The following CD164 variants were observed in gnomAD, a reference collection of about 807,000 sequenced individuals.
CD164 encodes CD164 molecule, also known as sialomucin core protein 24.
A neutral mutation model predicts 24.6 loss-of-function variants in CD164; 11 were observed. The observed-to-expected ratio is 0.45, with a 90% CI of 0.28 to 0.74. The LOEUF (loss-of-function observed/expected upper bound fraction) is 0.74. Among genes scored for constraint, CD164 ranks in the 30% least tolerant of loss-of-function variants. CD164 has a pLI of 0.13. For synonymous variants in CD164, 126 were observed against 100.3 expected (o/e 1.26, Z -1.53); for missense variants, 295 against 243.7 (o/e 1.21, Z -1.40).
At position 109,382,038 on chromosome 6, in the gene CD164, G is replaced by C. The variant is rs11963133; in HGVS notation, c.175+166C>G. ...CGCGCTCCCCACCCGGCCCGGCCAC[G>C]AGTGGACTCCAGGCTGGCCGCCATG... On this transcript the variant is annotated intron_variant, in intron 1 of 5. Coordinates refer to ENST00000310786, the MANE Select transcript of CD164 (RefSeq NM_006016.6). The C allele has an allele frequency of 0.021, 10,864 of 513,308 alleles. 607 individuals are homozygous for C. The highest frequency in any genetic ancestry group is 0.14 in the African/African-American group (7,198 of 49,666). The allele number at this position is 513,308 out of a possible 1,614,324, so 31.8% of individuals were successfully genotyped here. A position where few individuals can be genotyped will look rare whatever the true frequency, so the allele number is the denominator to read the frequency against.
At chr6:109,375,879 C>T in intron 4 of CD164, 195 bp downstream of exon 4, 1 of 532,814 alleles carries the variant, frequency 1.9e-6, no homozygotes, top group Non-Finnish European at 3.2e-6. Flanking sequence ...CATTCACCGA[C>T]TATAAAACAC....
rs1771800084 is a variant in CD164 at position 109,382,197 on chromosome 6, C to A, written c.175+7G>T. 3 of 1,540,502 alleles carry A rather than the reference C, an allele frequency of 1.9e-6. No homozygotes were observed. The highest frequency in any genetic ancestry group is 2.6e-6 in the Non-Finnish European group (3 of 1,150,020). ...GAGGGCGGGAAGCCCACAGGGCCCG[C>A]GCCCACCTGGTGCCGGAGTGGTGAC... is the stretch of plus-strand genomic sequence containing the variant. On this transcript the variant is annotated splice_region_variant and intron_variant, in intron 1 of 5. Coordinates refer to ENST00000310786, the MANE Select transcript of CD164 (RefSeq NM_006016.6).
At chr6:109,375,486 A>C (rs1771340582) in intron 4 of CD164, among the ~76,000 whole-genome samples, 1 of 151,968 alleles carries the variant, frequency 6.6e-6, no homozygotes. Flanking sequence ...GCATGATGGC[A>C]GGTGCCTGTA....
At position 109,382,357 on chromosome 6, in the gene CD164, G is replaced by C. The variant is rs912914897; in HGVS notation, c.22C>G (p.Leu8Val). The C allele has an allele frequency of 3.9e-6, 6 of 1,554,680 alleles. No individual in the cohort carries two copies. Among genetic ancestry groups the C allele is most frequent in the African/African-American group, 1.4e-5 (1 of 73,490 alleles). Residue 8 changes from leucine to valine, a missense_variant, in exon 1 of 6, where the codon CTG becomes GTG. Transcript: ENST00000310786. The part of the protein sequence containing the change: MSRLSRS[L>V]LWAATCLGVL... ...CCCAGGCAGGTGGCGGCCCAAAGCA[G>C]TGAGCGGGAGAGCCGCGACATCGTG...
chr6:109,381,720 T>C (rs1329040397), intron 1 of CD164: 3 of 605,236 alleles, frequency 5.0e-6, no homozygotes, highest in Admixed American at 2.7e-5. Flanking sequence ...CGTCTTTAAG[T>C]TTCTCTTTCC....
chr6:109,381,534 A>G (rs891360241), intron 1 of CD164: 3 of 702,614 alleles, frequency 4.3e-6, no homozygotes, highest in Non-Finnish European at 7.8e-6. Context: ...TACGTACGCA[A>G]AACACCCGGT....
In CD164 at chr6:109,379,664, TG is replaced by T; in HGVS notation, c.176-3del. On this transcript the variant is annotated splice_region_variant and splice_polypyrimidine_tract_variant and intron_variant, in intron 1 of 5. Coordinates refer to ENST00000310786, the MANE Select transcript of CD164 (RefSeq NM_006016.6). The stretch of plus-strand genomic sequence containing the variant: ...AGCTGTTTCGACCTTCACAGGTTTC[TG>T]GGGAGTTGGGGGGAGAGATGCATGA... 1.9e-6 allele frequency: 3 copies of T among 1,610,684 alleles called. No individual in the cohort carries two copies. The highest frequency in any genetic ancestry group is 1.7e-6 in the Non-Finnish European group (2 of 1,178,298).
intron 3 of CD164, among the ~76,000 whole-genome samples, chr6:109,377,609 T>C (rs965105003): frequency 2.7e-5 from 4 of 146,364 alleles, no homozygotes; most frequent in Non-Finnish European, 6.0e-5. Flanking sequence ...GATGCAAACA[T>C]AGCGGCTAAA....
rs1292813498 is a variant in CD164 at position 109,373,959 on chromosome 6, A to G, written c.370+2115T>C. Among the ~76,000 whole-genome samples the G allele has an allele frequency of 2.0e-5, 3 of 152,266 alleles. No individual in the cohort carries two copies. In the East Asian group the frequency reaches 5.8e-4, roughly 29 times the overall value. On this transcript the variant is annotated intron_variant, in intron 4 of 5. Transcript: ENST00000310786. ...CTGGTCCAAGCCAGCTCCACACACC[A>G]CTGCGTAAGTGTTTCAAGATGAGTT...
Position 109,377,976 on chromosome 6 carries a change from T to C in CD164, c.260-5A>G, listed in dbSNP as rs1562241982. ...TATGTGAACAATAGCTCTCATCTGT[T>C]GGGGGGCAGGGGAAAAGAGACAAAC... On this transcript the variant is annotated splice_polypyrimidine_tract_variant and splice_region_variant and intron_variant, in intron 2 of 5. Coordinates refer to ENST00000310786, the MANE Select transcript of CD164 (RefSeq NM_006016.6). 1 of 1,612,158 alleles carries C rather than the reference T, an allele frequency of 6.2e-7. No homozygotes were observed. Among genetic ancestry groups the C allele is most frequent in the Non-Finnish European group, 8.5e-7 (1 of 1,178,894 alleles).
rs750780867 is a variant in CD164 at position 109,382,291 on chromosome 6, G to A, written c.88C>T (p.His30Tyr). ...GGCGCTAAAGTCGTCACGTTCGGGTGCTGGGTCGTGTTCTTGTCCGCGGAC... is the reference window on the plus strand; with the variant it reads ...GGCGCTAAAGTCGTCACGTTCGGGTACTGGGTCGTGTTCTTGTCCGCGGAC... ...VLSADKNTTQ[H>Y]PNVTTLAPIS... The change falls in exon 1 of 6, where the codon CAC becomes TAC. Residue 30 changes from histidine (H) to tyrosine (Y), a missense_variant. Transcript: ENST00000310786. 1.2e-5 allele frequency: 19 copies of A among 1,584,946 alleles called. No individual in the cohort carries two copies. The highest frequency in any genetic ancestry group is 3.6e-5 in the Admixed American group (2 of 55,966).
chr6:109,370,435 T>G lies in CD164; in HGVS notation c.403A>C (p.Thr135Pro). 1.2e-6 allele frequency: 2 copies of G among 1,613,282 alleles called. No homozygotes were observed. Among genetic ancestry groups the G allele is most frequent in the Non-Finnish European group, 1.7e-6 (2 of 1,179,500 alleles). The change falls in exon 5 of 6, where the codon ACT (threonine) becomes CCT (proline). Residue 135 changes from threonine (T) to proline (P), a missense_variant. Thr to Pro is a conservative substitution (Grantham distance 38). Coordinates refer to ENST00000310786, the MANE Select transcript of CD164 (RefSeq NM_006016.6). The stretch of plus-strand genomic sequence containing the variant: ...CCTGATGTAGTAACTGTCTTGGAAG[T>G]TGTAGAAGGGGAGGGCTGAACTGTG... Reference protein sequence around the residue: ...KPTVQPSPSTTSKTVTTSGTT... With the variant: ...KPTVQPSPSTPSKTVTTSGTT...
chr6:109,380,687 T>C (rs933726016), intron 1 of CD164, among the ~76,000 whole-genome samples: 1 of 152,252 alleles, frequency 6.6e-6, no homozygotes, highest in Non-Finnish European at 1.5e-5. Context: ...TGAACTAAAC[T>C]TGCTACCTTT....
chr6:109,368,862 G>T lies in CD164; in HGVS notation c.583C>A (p.His195Asn). The change falls in exon 6 of 6, where the codon CAC becomes AAC. Residue 195 changes from histidine to asparagine, a missense_variant. Coordinates refer to ENST00000310786, the MANE Select transcript of CD164 (RefSeq NM_006016.6). ...TTCAATGGGTCTGTTTACAGAGTGT[G>T]GTAATTTCGTTCTTTAGATTTGCAG... is the stretch of plus-strand genomic sequence containing the variant. The part of the protein sequence containing the change: ...KFCKSKERNY[H>N]TL 6.2e-7 allele frequency: 1 copy of T among 1,612,508 alleles called. No homozygotes were observed. Among genetic ancestry groups the T allele is most frequent in the Non-Finnish European group, 8.5e-7 (1 of 1,179,480 alleles).
chr6:109,366,647 G>A lies in CD164; in HGVS notation c.*2204C>T, dbSNP rs913176924. 2.0e-5 allele frequency: 3 copies of A among 152,426 alleles called. No homozygotes were observed. In the South Asian group the frequency reaches 6.2e-4, roughly 32 times the overall value. The allele number at this position is 152,426 out of a possible 1,614,324, so 9.4% of individuals were successfully genotyped here. A position where few individuals can be genotyped will look rare whatever the true frequency, so the allele number is the denominator to read the frequency against. ...CTGCCTGTGCAACAAATATCTGTAA[G>A]GTAAAATAAGGTATTTGATAGAAGA... On this transcript the variant is annotated 3_prime_UTR_variant, in exon 6 of 6. Coordinates refer to ENST00000310786, the MANE Select transcript of CD164 (RefSeq NM_006016.6).
intron 4 of CD164, chr6:109,372,900 A>G (rs1230759004): frequency 8.5e-5 from 13 of 152,242 alleles, no homozygotes; most frequent in Non-Finnish European, 1.8e-4. Flanking sequence ...ATTTCTTTTT[A>G]ATAAGTAGGC....
chr6:109,374,741 G>A (rs1288581281), intron 4 of CD164, among the ~76,000 whole-genome samples: 1 of 152,048 alleles, frequency 6.6e-6, no homozygotes, highest in Non-Finnish European at 1.5e-5. Flanking sequence ...GTACAGGATG[G>A]GACACTCTTT....
At chr6:109,378,620 G>T (rs1582488057) in intron 2 of CD164, among the ~76,000 whole-genome samples, 1 of 152,096 alleles carries the variant, frequency 6.6e-6, no homozygotes, top group Non-Finnish European at 1.5e-5. Context: ...ACAAGAGTAA[G>T]GGGAGAACCT....
At chr6:109,370,897 T>G (rs1313493630) in intron 4 of CD164, 2 of 162,686 alleles carry the variant, frequency 1.2e-5, no homozygotes, top group African/African-American at 4.8e-5. Flanking sequence ...CTTCAGGAGT[T>G]GGCAAACTTT....
Sources: allele counts gnomAD v4.1 joint callset (sites outside exome capture counted in the v4.1 genomes callset), GRCh38; gene constraint gnomAD v4.1.1; transcripts MANE v1.5; gene names NCBI Gene and HGNC (gene_info 2026-07-23, HGNC 2026-07-21).